Variants in BCHE observed in about 807,000 individuals in gnomAD.
BCHE encodes butyrylcholinesterase.
A neutral mutation model predicts 51.3 loss-of-function variants in BCHE; 48 were observed. The observed-to-expected ratio is 0.94, with a 90% confidence interval of 0.74 to 1.19. The LOEUF is 1.19. Ranked by LOEUF, BCHE falls within the 50% of genes most tolerant of loss-of-function variation. The pLI is 0.00. For synonymous variants in BCHE, 251 were observed against 238.0 expected (o/e 1.05, Z -0.50); for missense variants, 847 against 708.2 (o/e 1.20, Z -2.23).
chr3:165,828,041 CGT>C (rs1560021944), intron 2 of BCHE: 75 of 455,736 alleles, frequency 1.6e-4, no homozygotes, highest in Non-Finnish European at 3.2e-4. Flanking sequence ...GTTTCAAGAA[CGT>C]AGTTTAGTAT....
rs186724376 is a variant in BCHE, at chr3:165,796,261, T to A, written c.1518-9950A>T. ...CAATAAGCAAAGACCAATTATGATA[T>A]AATATAGCTTGACATCTGTTATCAA... On this transcript the variant is annotated intron_variant, in intron 2 of 3. Transcript: ENST00000264381. Among the ~76,000 whole-genome samples the A allele has an allele frequency of 4.7e-3, 717 of 152,276 alleles. 3 individuals are homozygous for A. The highest frequency in any genetic ancestry group is 6.5e-3 in the Non-Finnish European group (441 of 67,994).
intron 2 of BCHE, among the ~76,000 whole-genome samples, chr3:165,824,341 G>C (rs1576668152): frequency 6.6e-6 from 1 of 151,860 alleles, no homozygotes; most frequent in East Asian, 1.9e-4. Context: ...AATAGAAGCA[G>C]AAAGAGCATT....
Position 165,829,539 on chromosome 3 carries a change from AC to A in BCHE, c.1494del (p.Trp499GlyfsTer31). 2 of 1,613,650 alleles carry A rather than the reference AC, an allele frequency of 1.2e-6. No individual in the cohort carries two copies. Among genetic ancestry groups the A allele is most frequent in the Non-Finnish European group, 1.7e-6 (2 of 1,179,740 alleles). On this transcript the variant is annotated frameshift_variant, in exon 2 of 4. Coordinates refer to ENST00000264381, the MANE Select transcript of BCHE (RefSeq NM_000055.4). LOFTEE classifies it high-confidence loss of function. ...TACCCATATTTTGCAAAATTTGCCC[AC>A]CGTTTCACTATGGATCTACTCAAAA... is the stretch of plus-strand genomic sequence containing the variant. ...EEILSRSIVK[R>X]WANFAKYGNP...
chr3:165,797,157 C>G (rs193201379), intron 2 of BCHE, among the ~76,000 whole-genome samples: 72 of 126,614 alleles, frequency 5.7e-4, no homozygotes, highest in East Asian at 5.2e-4. Context: ...TCCCTCCTTC[C>G]TTCTTCCCTC....
At chr3:165,808,543 A>G (rs76303428) in intron 2 of BCHE, among the ~76,000 whole-genome samples, 46 of 152,278 alleles carry the variant, frequency 3.0e-4, no homozygotes, top group African/African-American at 1.1e-3. Context: ...TGATGTTGTA[A>G]GATTAAAAAT....
chr3:165,785,844 C>G (rs568976211), intron 3 of BCHE, among the ~76,000 whole-genome samples: 2 of 151,550 alleles, frequency 1.3e-5, no homozygotes, highest in African/African-American at 4.8e-5. Context: ...CAAAGATTAT[C>G]TGAATAACAA....
At chr3:165,836,532 A>AT (rs1560026040) in intron 1 of BCHE, among the ~76,000 whole-genome samples, 1 of 152,012 alleles carries the variant, frequency 6.6e-6, no homozygotes, top group African/African-American at 2.4e-5. Flanking sequence ...TCATTCATAG[A>AT]TTTTATAATC....
At chr3:165,817,222 A>T (rs1714344955) in intron 2 of BCHE, among the ~76,000 whole-genome samples, 6 of 152,070 alleles carry the variant, frequency 3.9e-5, no homozygotes, top group Admixed American at 3.9e-4. Flanking sequence ...CTTCCTTCAA[A>T]GTATAACCTG....
At chr3:165,815,308 G>T (rs1714272315) in intron 2 of BCHE, among the ~76,000 whole-genome samples, 1 of 151,134 alleles carries the variant, frequency 6.6e-6, no homozygotes, top group African/African-American at 2.4e-5. Context: ...TTCCCTAGTG[G>T]TACGCAAAAA....
At chr3:165,811,681 A>G (rs1714102448) in intron 2 of BCHE, among the ~76,000 whole-genome samples, 1 of 152,078 alleles carries the variant, frequency 6.6e-6, no homozygotes, top group African/African-American at 2.4e-5. Context: ...ATAATTTAGA[A>G]TAATATTTCC....
intron 2 of BCHE, among the ~76,000 whole-genome samples, chr3:165,808,750 G>A (rs1443944005): frequency 1.3e-5 from 2 of 151,950 alleles, no homozygotes; most frequent in African/African-American, 4.8e-5. Context: ...CTGGGAGACA[G>A]AGCAAGATCC....
At chr3:165,828,013 A>G (rs1408630917) in intron 2 of BCHE, 1 of 456,048 alleles carries the variant, frequency 2.2e-6, no homozygotes, top group Admixed American at 2.4e-5. Flanking sequence ...TGAATATCAA[A>G]TCAAAACCAC....
rs1281700477 is a variant in BCHE, at chr3:165,829,927, G to T, written c.1107C>A (p.Asn369Lys). The change falls in exon 2 of 4, where the codon AAC becomes AAA. Residue 369 changes from asparagine to lysine, a missense_variant. Physicochemically the swap from Asn to Lys is moderately conservative, Grantham distance 94. Transcript: ENST00000264381. ...VYGAPGFSKD[N>K]NSIITRKEFQ... Reference sequence around the variant, plus strand: ...ATTCTTTTCTAGTTATGATACTATTGTTATCTTTGCTGAAGCCAGGAGCAC... The same window carrying T: ...ATTCTTTTCTAGTTATGATACTATTTTTATCTTTGCTGAAGCCAGGAGCAC... 4 of 1,613,198 alleles carry T rather than the reference G, an allele frequency of 2.5e-6. No homozygotes were observed. The African/African-American group carries it at 5.3e-5, about 22-fold the overall frequency.
chr3:165,803,066 A>G (rs938269841), intron 2 of BCHE, among the ~76,000 whole-genome samples: 3 of 152,166 alleles, frequency 2.0e-5, no homozygotes, highest in African/African-American at 7.2e-5. Flanking sequence ...AAGGAAGAGT[A>G]CAGGAAAAGA....
At chr3:165,788,308 A>G (rs1365133331) in intron 2 of BCHE, among the ~76,000 whole-genome samples, 2 of 152,184 alleles carry the variant, frequency 1.3e-5, no homozygotes, top group Non-Finnish European at 2.9e-5. Flanking sequence ...GGAGCTTTAG[A>G]GACAAACAGT....
chr3:165,801,495 T>C (rs922347739), intron 2 of BCHE, among the ~76,000 whole-genome samples: 1 of 152,130 alleles, frequency 6.6e-6, no homozygotes, highest in Non-Finnish European at 1.5e-5. Context: ...GTTTTTTGCA[T>C]TTTATATAAA....
chr3:165,783,124 TC>T (rs5854157), intron 3 of BCHE, among the ~76,000 whole-genome samples: 15,804 of 152,086 alleles, frequency 0.1, 1,492 homozygotes, highest in African/African-American at 0.26. Flanking sequence ...ACAACAACAT[TC>T]TTCATGTATT....
chr3:165,828,193 C>A (rs1046349759), intron 2 of BCHE: 7 of 372,470 alleles, frequency 1.9e-5, no homozygotes, highest in Non-Finnish European at 3.7e-5. Context: ...TAGATTAAGA[C>A]CTTAAAAAAG....
intron 2 of BCHE, among the ~76,000 whole-genome samples, chr3:165,806,740 A>T (rs989602280): frequency 1.3e-5 from 2 of 152,112 alleles, no homozygotes; most frequent in African/African-American, 4.8e-5. Flanking sequence ...TTATAATAAT[A>T]ATTATATAGT....
Sources: allele counts gnomAD v4.1 joint callset (sites outside exome capture counted in the v4.1 genomes callset), GRCh38; gene constraint gnomAD v4.1.1; transcripts MANE v1.5; gene names NCBI Gene and HGNC (gene_info 2026-07-23, HGNC 2026-07-21).